WDFY4: variants seen among roughly 807,000 people sequenced by gnomAD.
The protein encoded by WDFY4 is WDFY family member 4, also known as WD repeat- and FYVE domain-containing protein 4.
A neutral mutation model predicts 351.9 loss-of-function variants in WDFY4; 169 were observed. The observed-to-expected ratio is 0.48, with a 90% CI of 0.42 to 0.55. The LOEUF (loss-of-function observed/expected upper bound fraction) is 0.55, where lower values mean the gene tolerates loss of function less well. Ranked by LOEUF, WDFY4 falls within the 20% of genes least tolerant of loss-of-function variation. WDFY4 has a pLI of 0.00. For synonymous variants in WDFY4, 1,622 were observed against 1,574.6 expected, an observed-to-expected ratio of 1.03 and a Z score of -0.71; for missense variants, 3,803 against 3,935.6, an observed-to-expected ratio of 0.97 and a Z score of 0.90.
chr10:48,856,187 A>T (rs1479377281), intron 39 of WDFY4, among the ~76,000 whole-genome samples: 1 of 152,160 alleles, frequency 6.6e-6, no homozygotes, highest in African/African-American at 2.4e-5. Flanking sequence ...TATGTTTTGA[A>T]ATAGATGAAG....
intron 52 of WDFY4, among the ~76,000 whole-genome samples, chr10:48,958,637 C>T (rs1379555041): frequency 6.6e-6 from 1 of 152,012 alleles, no homozygotes; most frequent in African/African-American, 2.4e-5. Flanking sequence ...TTAGTTGGGT[C>T]TCCTGGGATG....
chr10:48,715,284 TA>T (rs142527770), intron 2 of WDFY4, among the ~76,000 whole-genome samples: 22,782 of 152,264 alleles, frequency 0.15, 2,132 homozygotes, highest in Non-Finnish European at 0.21. Flanking sequence ...ATGAGCAAAA[TA>T]AATGATTGCT....
At chr10:48,903,492 C>G (rs1316229757) in intron 47 of WDFY4, among the ~76,000 whole-genome samples, 1 of 152,132 alleles carries the variant, frequency 6.6e-6, no homozygotes, top group African/African-American at 2.4e-5. Flanking sequence ...AACATGAAAG[C>G]AAAGATAATA....
intron 47 of WDFY4, chr10:48,914,078 A>T (rs745552028): frequency 6.2e-7 from 1 of 1,614,172 alleles, no homozygotes; most frequent in Non-Finnish European, 8.5e-7. Flanking sequence ...TTTTCCCATC[A>T]AAAGTGATTT....
At chr10:48,936,712 C>T (rs1370611313) in intron 47 of WDFY4, among the ~76,000 whole-genome samples, 1 of 151,400 alleles carries the variant, frequency 6.6e-6, no homozygotes, top group Non-Finnish European at 1.5e-5. Context: ...GTGGCAAGCA[C>T]CTGTAGTGCC....
At chr10:48,711,538 C>T (rs2063767704) in intron 2 of WDFY4, among the ~76,000 whole-genome samples, 1 of 152,168 alleles carries the variant, frequency 6.6e-6, no homozygotes, top group Non-Finnish European at 1.5e-5. Flanking sequence ...ACTTTTCCCA[C>T]CTGCATGGGC....
intron 57 of WDFY4, among the ~76,000 whole-genome samples, chr10:48,974,527 A>AAAAAAAAAAAAAAAAAAAAAACAAC: frequency 2.2e-4 from 5 of 23,198 alleles, no homozygotes; most frequent in Admixed American, 1.2e-3. Context: ...AAAAAAAAAA[A>AAAAAAAAAAAAAAAAAAAAAACAAC]AACAACTCAT....
At chr10:48,951,667 T>C (rs1164512413) in intron 51 of WDFY4, among the ~76,000 whole-genome samples, 1 of 152,230 alleles carries the variant, frequency 6.6e-6, no homozygotes, top group East Asian at 1.9e-4. Flanking sequence ...GGTCTTATTA[T>C]GTTGCCCAAG....
At chr10:48,977,114 A>G in intron 59 of WDFY4, 135 bp downstream of exon 59, 1 of 841,184 alleles carries the variant, frequency 1.2e-6, no homozygotes, top group Non-Finnish European at 1.6e-6. Context: ...CAGCAAAGGA[A>G]GGGAAAAGAC....
intron 52 of WDFY4, among the ~76,000 whole-genome samples, chr10:48,957,963 G>A (rs555921967): frequency 2.0e-5 from 3 of 152,350 alleles, no homozygotes; most frequent in Non-Finnish European, 4.4e-5. Context: ...GTCACAGCCT[G>A]GGCAGGTCAC....
At chr10:48,818,213 C>T (rs1490072967) in intron 32 of WDFY4, among the ~76,000 whole-genome samples, 4 of 152,204 alleles carry the variant, frequency 2.6e-5, no homozygotes, top group Non-Finnish European at 5.9e-5. Flanking sequence ...TGTCTTCCTG[C>T]AAGTTGCCAA....
chr10:48,954,936 C>A (rs1398076306), intron 51 of WDFY4, among the ~76,000 whole-genome samples: 1 of 152,096 alleles, frequency 6.6e-6, no homozygotes, highest in East Asian at 1.9e-4. Context: ...ATATCTTTAA[C>A]CAGATTTGTA....
intron 49 of WDFY4, 48 bp downstream of exon 49, chr10:48,943,497 T>C: frequency 6.5e-7 from 1 of 1,536,002 alleles, no homozygotes; most frequent in Non-Finnish European, 8.8e-7. Flanking sequence ...TGTTCGGACG[T>C]TGATAACAGA....
intron 1 of WDFY4, among the ~76,000 whole-genome samples, chr10:48,705,601 G>A (rs866235486): frequency 6.6e-6 from 1 of 152,128 alleles, no homozygotes; most frequent in Non-Finnish European, 1.5e-5. Context: ...CAGCAGATGA[G>A]CAGGAGGTGG....
chr10:48,880,917 G>A (rs945346971), intron 43 of WDFY4, among the ~76,000 whole-genome samples: 2 of 152,110 alleles, frequency 1.3e-5, no homozygotes, highest in African/African-American at 4.8e-5. Flanking sequence ...GTGAGGGGAG[G>A]GTGGAGGCTA....
chr10:48,947,712 C>G (rs1359597716), intron 51 of WDFY4, among the ~76,000 whole-genome samples: 1 of 152,144 alleles, frequency 6.6e-6, no homozygotes, highest in Non-Finnish European at 1.5e-5. Context: ...CCTCACAACC[C>G]TATCACTGGG....
At chr10:48,851,108 G>A (rs1004029808) in intron 39 of WDFY4, among the ~76,000 whole-genome samples, 2 of 152,178 alleles carry the variant, frequency 1.3e-5, no homozygotes, top group East Asian at 3.8e-4. Context: ...AGGTTGTATG[G>A]AAGGGCATCT....
intron 24 of WDFY4, among the ~76,000 whole-genome samples, chr10:48,797,691 G>A (rs1280030438): frequency 1.3e-5 from 2 of 152,080 alleles, no homozygotes. Context: ...CAAATTTTTA[G>A]ATTCTTTCTA....
intron 51 of WDFY4, among the ~76,000 whole-genome samples, chr10:48,948,829 C>G (rs1253508060): frequency 6.6e-6 from 1 of 152,250 alleles, no homozygotes; most frequent in Non-Finnish European, 1.5e-5. Context: ...CAGGTCTGAA[C>G]TTGTCCAGGC....
Sources: gnomAD v4.1 joint callset for allele counts (sites outside exome capture counted in the v4.1 genomes callset) on GRCh38, gnomAD v4.1.1 for gene constraint, MANE v1.5 for transcripts, NCBI Gene and HGNC (gene_info 2026-07-23, HGNC 2026-07-21) for gene names.